The following GCNT1 variants were observed in gnomAD, a reference collection of about 807,000 sequenced individuals.
The protein encoded by GCNT1 is glucosaminyl (N-acetyl) transferase 1.
GCNT1 carries 16 observed loss-of-function variants against 26.2 expected under a neutral mutation model. The observed-to-expected ratio is 0.61, with a 90% CI of 0.41 to 0.93. The LOEUF is 0.93. Ranked by LOEUF, GCNT1 falls within the 40% of genes least tolerant of loss-of-function variation. The pLI, the probability that GCNT1 is intolerant of heterozygous loss-of-function variation, is 0.00. For missense variants in GCNT1, 477 were observed against 526.7 expected (o/e 0.91, Z 0.92); for synonymous variants, 183 against 190.8 (o/e 0.96, Z 0.34).
intron 1 of GCNT1, among the ~76,000 whole-genome samples, chr9:76,433,086 A>G (rs944736718): frequency 6.6e-6 from 1 of 152,030 alleles, no homozygotes; most frequent in Non-Finnish European, 1.5e-5. Flanking sequence ...TAGCTGTTTC[A>G]TCACTCAATA....
intron 1 of GCNT1, among the ~76,000 whole-genome samples, chr9:76,426,678 C>T (rs1186001762): frequency 6.6e-6 from 1 of 152,086 alleles, no homozygotes; most frequent in East Asian, 1.9e-4. Context: ...GGTGGATCAC[C>T]TGAGGTCAGG....
intron 2 of GCNT1, among the ~76,000 whole-genome samples, chr9:76,477,104 G>A (rs1165016715): frequency 1.3e-5 from 2 of 151,688 alleles, no homozygotes; most frequent in African/African-American, 2.4e-5. Flanking sequence ...TAGTACAGAC[G>A]GGGTTTCACC....
chr9:76,478,466 A>G (rs1250808347), intron 2 of GCNT1, among the ~76,000 whole-genome samples: 1 of 152,160 alleles, frequency 6.6e-6, no homozygotes, highest in East Asian at 1.9e-4. Flanking sequence ...TGAAGGAACA[A>G]ACTCCAGATG....
chr9:76,502,326 T>G lies in GCNT1; in HGVS notation c.-56T>G. 1 of 1,244,898 alleles carries G rather than the reference T, an allele frequency of 8.0e-7. No individual in the cohort carries two copies. The highest frequency in any genetic ancestry group is 1.1e-6 in the Non-Finnish European group (1 of 870,044). The allele number at this position is 1,244,898 out of a possible 1,614,324, so 77.1% of individuals were successfully genotyped here. A position where few individuals can be genotyped will look rare whatever the true frequency, so the allele number is the denominator to read the frequency against. On this transcript the variant is annotated 5_prime_UTR_variant, in exon 4 of 4. Transcript: ENST00000376730. ...GCCACGACGGAGGGAAAATCATTGGTGCTTGGAGCATAGAAGACTGCCCTT... is the reference window on the plus strand; with the variant it reads ...GCCACGACGGAGGGAAAATCATTGGGGCTTGGAGCATAGAAGACTGCCCTT...
chr9:76,490,929 A>C (rs1307730239), intron 2 of GCNT1, among the ~76,000 whole-genome samples: 2 of 152,264 alleles, frequency 1.3e-5, no homozygotes, highest in African/African-American at 4.8e-5. Flanking sequence ...GTGAGTTGTC[A>C]GTGGTCTCAG....
chr9:76,468,211 G>A (rs1194330280), intron 2 of GCNT1, among the ~76,000 whole-genome samples: 1 of 152,128 alleles, frequency 6.6e-6, no homozygotes, highest in Non-Finnish European at 1.5e-5. Context: ...CTTCAGTCCT[G>A]TGTCTTGTAC....
intron 1 of GCNT1, among the ~76,000 whole-genome samples, chr9:76,448,200 C>G (rs1382885797): frequency 6.6e-6 from 1 of 152,164 alleles, no homozygotes; most frequent in Non-Finnish European, 1.5e-5. Context: ...GCCTGTAATC[C>G]AAGCACTCTG....
upstream of GCNT1, among the ~76,000 whole-genome samples, chr9:76,441,030 A>C (rs1390931727): frequency 1.4e-5 from 2 of 143,542 alleles, no homozygotes; most frequent in African/African-American, 5.1e-5. Context: ...ACACCACTGC[A>C]CTCCAGCCTG....
At chr9:76,414,651 T>C in the GCNT1 span, among the ~76,000 whole-genome samples, 3 of 152,140 alleles carry the variant, frequency 2.0e-5, no homozygotes. Flanking sequence ...TTTTAGAACA[T>C]GTAGGGTGAT....
rs1432068197 is a variant in GCNT1, at chr9:76,479,270, G to T, written c.-290+19093G>T. Among the ~76,000 whole-genome samples, 3 of 152,108 alleles carry T rather than the reference G, an allele frequency of 2.0e-5. No individual in the cohort carries two copies. The South Asian group carries it at 6.2e-4, about 32-fold the overall frequency. ...CCAGTCTATCATTGTTGGACATTTG[G>T]GTTGGTTCCAAGTCTTTGCTATTGT... is the stretch of plus-strand genomic sequence containing the variant. On this transcript the variant is annotated intron_variant, in intron 2 of 3. Coordinates refer to ENST00000376730, the MANE Select transcript of GCNT1 (RefSeq NM_001490.5).
rs950973691 is a variant in GCNT1, at chr9:76,506,321, T to C, written c.*2653T>C. The C allele has an allele frequency of 2.4e-5, 4 of 166,934 alleles. No homozygotes were observed. The South Asian group carries it at 6.2e-4, about 26-fold the overall frequency. The allele number at this position is 166,934 out of a possible 1,614,324, so 10.3% of individuals were successfully genotyped here. Reference sequence around the variant, plus strand: ...GGCCAGGCACAGTGGCTCACACCTGTAATCTTCAGGATTTCAAGACCAGCC... The same window carrying C: ...GGCCAGGCACAGTGGCTCACACCTGCAATCTTCAGGATTTCAAGACCAGCC... On this transcript the variant is annotated 3_prime_UTR_variant, in exon 4 of 4. Coordinates refer to ENST00000376730, the MANE Select transcript of GCNT1 (RefSeq NM_001490.5).
At chr9:76,428,291 T>TAAAAAAAAA (rs1564220598) in intron 1 of GCNT1, among the ~76,000 whole-genome samples, 2 of 77,028 alleles carry the variant, frequency 2.6e-5, no homozygotes, top group African/African-American at 4.7e-5. Context: ...AAAAAAAAAC[T>TAAAAAAAAA]TAAAAAAAAA....
At chr9:76,479,705 G>C (rs1156248215) in intron 2 of GCNT1, among the ~76,000 whole-genome samples, 2 of 152,154 alleles carry the variant, frequency 1.3e-5, no homozygotes, top group African/African-American at 4.8e-5. Flanking sequence ...TGTTGATGGG[G>C]TTGTTTGTTT....
At chr9:76,458,344 G>A (rs1189705316), upstream of GCNT1, among the ~76,000 whole-genome samples, 1 of 151,814 alleles carries the variant, frequency 6.6e-6, no homozygotes, top group African/African-American at 2.4e-5. Flanking sequence ...CACCACGCCT[G>A]GCTAATTTTT....
At chr9:76,472,720 C>CTTTCTTTTCT (rs547939879) in intron 2 of GCNT1, among the ~76,000 whole-genome samples, 6 of 130,188 alleles carry the variant, frequency 4.6e-5, no homozygotes, top group Admixed American at 2.4e-4. Context: ...AGAATCTTGT[C>CTTTCTTTTCT]TTTCTTTTCT....
chr9:76,483,505 C>T (rs1587443428), intron 2 of GCNT1, among the ~76,000 whole-genome samples: 1 of 152,102 alleles, frequency 6.6e-6, no homozygotes, highest in Admixed American at 6.5e-5. Context: ...GCCTCGAACT[C>T]CTGGGCTCAA....
At chr9:76,495,138 C>T (rs1824870205) in intron 2 of GCNT1, among the ~76,000 whole-genome samples, 1 of 152,182 alleles carries the variant, frequency 6.6e-6, no homozygotes, top group Admixed American at 6.5e-5. Context: ...ATGGTACTCA[C>T]TGCTTGGTGA....
At chr9:76,431,062 G>A (rs1021569013) in intron 1 of GCNT1, among the ~76,000 whole-genome samples, 3 of 152,156 alleles carry the variant, frequency 2.0e-5, no homozygotes, top group Non-Finnish European at 2.9e-5. Flanking sequence ...GTTCAATTTG[G>A]GTAGTGGAGT....
chr9:76,464,250 T>G (rs1817398677), intron 2 of GCNT1, among the ~76,000 whole-genome samples: 1 of 152,144 alleles, frequency 6.6e-6, no homozygotes, highest in Non-Finnish European at 1.5e-5. Flanking sequence ...AGGGTCTCAC[T>G]CTGTTGCCCA....
Sources: allele counts gnomAD v4.1 joint callset (sites outside exome capture counted in the v4.1 genomes callset), GRCh38; gene constraint gnomAD v4.1.1; transcripts MANE v1.5; gene names NCBI Gene and HGNC (gene_info 2026-07-23, HGNC 2026-07-21).